Variants in PDZD2 observed in about 807,000 individuals in gnomAD.
PDZD2 encodes PDZ domain-containing protein 2.
Under a neutral mutation model 220.7 loss-of-function variants are expected in PDZD2, and 90 were observed. That is an observed-to-expected ratio of 0.41 (90% CI 0.34 to 0.49). The LOEUF is 0.49. PDZD2 is among the 20% of genes least tolerant of loss of function. The pLI is 0.28. For missense variants in PDZD2, 3,174 were observed against 3,608.5 expected, an observed-to-expected ratio of 0.88 and a Z score of 3.08; for synonymous variants, 1,375 against 1,450.5, an observed-to-expected ratio of 0.95 and a Z score of 1.18.
At chr5:31,706,568 G>A (rs67496826) in intron 1 of PDZD2, among the ~76,000 whole-genome samples, 21,480 of 152,040 alleles carry the variant, frequency 0.14, 1,594 homozygotes, top group East Asian at 0.21. Context: ...AAAGCAGGCC[G>A]GATGCAGTGG....
intron 18 of PDZD2, among the ~76,000 whole-genome samples, chr5:32,074,923 G>A (rs191299716): frequency 1.1e-4 from 17 of 151,896 alleles, no homozygotes; most frequent in Admixed American, 9.2e-4. Flanking sequence ...CGATTGTCCT[G>A]TCTCAGCCTC....
chr5:31,999,285 T>C (rs944683502), intron 4 of PDZD2, among the ~76,000 whole-genome samples: 8 of 150,272 alleles, frequency 5.3e-5, no homozygotes, highest in African/African-American at 1.7e-4. Flanking sequence ...GATTTGTTTT[T>C]TTTTTTTGTT....
At chr5:31,645,096 T>TA (rs1198176869) in intron 1 of PDZD2, among the ~76,000 whole-genome samples, 1 of 152,188 alleles carries the variant, frequency 6.6e-6, no homozygotes, top group East Asian at 1.9e-4. Context: ...CAGGAGGATT[T>TA]AAAAAATCAC....
rs55741622 is a variant in PDZD2 at position 31,908,082 on chromosome 5, C to CAAAAAA, written c.477-75052_477-75047dup. On this transcript the variant is annotated intron_variant, in intron 2 of 24. Coordinates refer to ENST00000438447, the MANE Select transcript of PDZD2 (RefSeq NM_178140.4). ...TGGGTGACAGAGCCAGGCTCCGTCTCAAAAAAAAAAAAAAAAAAAAAAAAA... is the reference window on the plus strand; with the variant it reads ...TGGGTGACAGAGCCAGGCTCCGTCTCAAAAAAAAAAAAAAAAAAAAAAAAAAAAAAA... Among the ~76,000 whole-genome samples the CAAAAAA allele has an allele frequency of 6.6e-4, 51 of 76,888 alleles. 1 individual carries two copies. Among genetic ancestry groups the CAAAAAA allele is most frequent in the African/African-American group, 2.3e-3 (43 of 18,372 alleles). The allele number at this position is 76,888 out of a possible 152,430, so 50.4% of individuals were successfully genotyped here.
chr5:31,928,768 G>A (rs1745011402), intron 2 of PDZD2, among the ~76,000 whole-genome samples: 1 of 152,066 alleles, frequency 6.6e-6, no homozygotes, highest in Non-Finnish European at 1.5e-5. Flanking sequence ...CACGATGCCG[G>A]GCCAAGAAAA....
At chr5:31,976,301 G>T (rs559832969) in intron 2 of PDZD2, among the ~76,000 whole-genome samples, 1 of 152,134 alleles carries the variant, frequency 6.6e-6, no homozygotes, top group Non-Finnish European at 1.5e-5. Context: ...TAGATTTACA[G>T]CATCAGACAG....
chr5:31,671,069 T>C (rs1746197275), intron 1 of PDZD2, among the ~76,000 whole-genome samples: 1 of 152,040 alleles, frequency 6.6e-6, no homozygotes, highest in South Asian at 2.1e-4. Flanking sequence ...GAACTGTCCT[T>C]AGGTGATCCA....
At chr5:31,998,656 C>T (rs1355397356) in intron 4 of PDZD2, among the ~76,000 whole-genome samples, 1 of 152,200 alleles carries the variant, frequency 6.6e-6, no homozygotes, top group Non-Finnish European at 1.5e-5. Context: ...CTTTTGGCTT[C>T]CCTGGGCCAC....
At chr5:31,662,991 T>A (rs1381755145) in intron 1 of PDZD2, among the ~76,000 whole-genome samples, 1 of 152,088 alleles carries the variant, frequency 6.6e-6, no homozygotes, top group African/African-American at 2.4e-5. Context: ...GAATTTGGGG[T>A]TGCAGGGTGG....
chr5:31,959,019 G>A (rs10064508), intron 2 of PDZD2, among the ~76,000 whole-genome samples: 2,204 of 149,086 alleles, frequency 0.015, 55 homozygotes, highest in African/African-American at 0.052. Context: ...TGCAACCTCC[G>A]CCTCCCAGGT....
rs1742966607 is a variant in PDZD2, at chr5:32,090,203, C to T, written c.6755C>T (p.Pro2252Leu). 6.2e-7 allele frequency: 1 copy of T among 1,614,124 alleles called. No individual in the cohort carries two copies. Among genetic ancestry groups the T allele is most frequent in the Non-Finnish European group, 8.5e-7 (1 of 1,180,006 alleles). ...SLGRSRDSQV[P>L]VTSSVVPEAK... ...GGTCGCTCTCGGGACAGCCAGGTCC[C>T]TGTGACAAGCAGTGTTGTCCCCGAG... The change falls in exon 20 of 25, where the codon CCT becomes CTT. Residue 2252 changes from proline (P) to leucine (L), a missense_variant. Physicochemically the swap from Pro to Leu is moderately conservative, Grantham distance 98 (BLOSUM62 -3). Around this residue, in one of 4 missense-constraint regions of PDZD2, gnomAD observed 631 missense variants for 789.9 expected, o/e 0.80. Coordinates refer to ENST00000438447, the MANE Select transcript of PDZD2 (RefSeq NM_178140.4). The surrounding 1 kb of genome is among the most constrained non-coding windows in gnomAD (Gnocchi z 4.3).
intron 2 of PDZD2, among the ~76,000 whole-genome samples, chr5:31,869,595 T>C (rs1329361150): frequency 6.6e-6 from 1 of 151,836 alleles, no homozygotes; most frequent in African/African-American, 2.4e-5. Context: ...AAAAAAGAAA[T>C]GTATTGACTG....
At chr5:31,991,365 GC>G (rs1751194996) in intron 3 of PDZD2, among the ~76,000 whole-genome samples, 1 of 152,156 alleles carries the variant, frequency 6.6e-6, no homozygotes, top group African/African-American at 2.4e-5. Context: ...GGTGGATCTG[GC>G]ATCTATTTCG....
intron 1 of PDZD2, among the ~76,000 whole-genome samples, chr5:31,669,102 G>A (rs752538234): frequency 1.3e-5 from 2 of 151,558 alleles, no homozygotes; most frequent in Middle Eastern, 3.4e-3. Flanking sequence ...TGCACAGGAC[G>A]TCCTCTCTTA....
chr5:31,994,581 G>C (rs1237615146), intron 3 of PDZD2, among the ~76,000 whole-genome samples: 1 of 151,978 alleles, frequency 6.6e-6, no homozygotes, highest in East Asian at 1.9e-4. Flanking sequence ...CACCTCCTAG[G>C]TTCAAGTGGT....
chr5:32,043,824 A>G (rs1407143144), intron 7 of PDZD2, among the ~76,000 whole-genome samples: 2 of 151,876 alleles, frequency 1.3e-5, no homozygotes, highest in African/African-American at 4.8e-5. Context: ...ACGGGGTTTC[A>G]CTGCGTTGGC....
intron 1 of PDZD2, among the ~76,000 whole-genome samples, chr5:31,689,814 T>G (rs75165760): frequency 0.024 from 3,605 of 152,216 alleles, 84 homozygotes; most frequent in South Asian, 0.075. Context: ...TTTCCCATAA[T>G]TTCTGTTCAA....
rs555875359 is a variant in PDZD2, at chr5:31,769,354, GC to G, written c.-360-29534del. Among the ~76,000 whole-genome samples the G allele has an allele frequency of 2.6e-4, 39 of 152,342 alleles. 1 individual carries two copies. Among genetic ancestry groups the G allele is most frequent in the Middle Eastern group, 3.4e-3 (1 of 294 alleles). On this transcript the variant is annotated intron_variant, in intron 1 of 24. Coordinates refer to ENST00000438447, the MANE Select transcript of PDZD2 (RefSeq NM_178140.4). ...TCACCTCACTGAGGATAAAAGAGAA[GC>G]TTTGGCTCAAAATCCTAGTGCCAGA...
At position 32,089,355 on chromosome 5, in the gene PDZD2, A is replaced by C. The variant is rs755025857; in HGVS notation, c.5907A>C (p.Pro1969=). Reference sequence around the variant, plus strand: ...AGCCACCTCTTGCCACCTCTGGGCCACTGAAACCCTCAGTGTCTGACACGA... The same window carrying C: ...AGCCACCTCTTGCCACCTCTGGGCCCCTGAAACCCTCAGTGTCTGACACGA... ...ESKPPLATSG[P]LKPSVSDTSI... is the part of the protein sequence containing the mutation. The change falls in exon 20 of 25, where the codon CCA becomes CCC. Residue 1969 remains proline, a synonymous_variant. Coordinates refer to ENST00000438447, the MANE Select transcript of PDZD2 (RefSeq NM_178140.4). 3 of 1,613,988 alleles carry C rather than the reference A, an allele frequency of 1.9e-6. No homozygotes were observed. The African/African-American group carries it at 4.0e-5, about 22-fold the overall frequency.
Sources: allele counts gnomAD v4.1 joint callset (sites outside exome capture counted in the v4.1 genomes callset), GRCh38; gene constraint gnomAD v4.1.1; regional missense constraint gnomAD v4.1.1; non-coding constraint Gnocchi (gnomAD v3.1); transcripts MANE v1.5; gene names NCBI Gene and HGNC (gene_info 2026-07-23, HGNC 2026-07-21).